The following INSL6 variants were observed in gnomAD, a reference collection of about 807,000 sequenced individuals.
INSL6 encodes insulin-like peptide INSL6.
A neutral mutation model predicts 9.4 loss-of-function variants in INSL6; 16 were observed. The observed-to-expected ratio is 1.70, with a 90% confidence interval of 1.15 to 2.59. The LOEUF (loss-of-function observed/expected upper bound fraction) is 2.59, where lower values mean the gene tolerates loss of function less well. Ranked by LOEUF, INSL6 falls within the 30% of genes most tolerant of loss-of-function variation. The pLI is 0.00. For synonymous variants in INSL6, 154 were observed against 96.9 expected (o/e 1.59, Z -3.46); for missense variants, 391 against 257.3 (o/e 1.52, Z -3.56).
At chr9:5,089,899 G>A in the INSL6 span, 24 of 1,373,792 alleles carry the variant, frequency 1.7e-5, no homozygotes, top group Non-Finnish European at 2.2e-5. Flanking sequence ...TAAATTCAAG[G>A]TATGTGTTTG....
At chr9:5,175,945 C>T (rs1269865861) in intron 1 of INSL6, among the ~76,000 whole-genome samples, 4 of 152,112 alleles carry the variant, frequency 2.6e-5, no homozygotes, top group Non-Finnish European at 4.4e-5. Flanking sequence ...AAACGTAATG[C>T]GCTTGGATCA....
chr9:5,038,325 G>A, the INSL6 span, among the ~76,000 whole-genome samples: 2 of 152,098 alleles, frequency 1.3e-5, no homozygotes, highest in Admixed American at 6.5e-5. Flanking sequence ...CCAGGCCCAA[G>A]TGGCTTCACT....
chr9:5,151,707 C>T (rs1824716542), intron 2 of INSL6, among the ~76,000 whole-genome samples: 1 of 151,892 alleles, frequency 6.6e-6, no homozygotes, highest in South Asian at 2.1e-4. Context: ...AAAAATTCAA[C>T]CCAATAGAAT....
At chr9:5,037,183 C>A in the INSL6 span, among the ~76,000 whole-genome samples, 14 of 152,134 alleles carry the variant, frequency 9.2e-5, no homozygotes, top group African/African-American at 2.9e-4. Flanking sequence ...GTTAGAATGG[C>A]GATCATTAAA....
intron 1 of INSL6, among the ~76,000 whole-genome samples, chr9:5,176,625 G>C (rs1825314214): frequency 6.6e-6 from 1 of 151,298 alleles, no homozygotes; most frequent in South Asian, 2.1e-4. Flanking sequence ...TTACCTTAAT[G>C]AAGATTATAT....
the INSL6 span, chr9:5,090,374 A>ATGAT: frequency 3.4e-5 from 38 of 1,108,964 alleles, no homozygotes; most frequent in Non-Finnish European, 4.4e-5. Context: ...TCATTTATGT[A>ATGAT]TGATAGTTTT....
At chr9:5,161,806 A>G (rs138846291), downstream of INSL6, among the ~76,000 whole-genome samples, 40 of 152,298 alleles carry the variant, frequency 2.6e-4, no homozygotes, top group African/African-American at 8.2e-4. Flanking sequence ...AACAATCTGA[A>G]AAAGAAATTA....
chr9:5,138,853 T>C (rs561858053), intron 2 of INSL6, among the ~76,000 whole-genome samples: 4 of 152,218 alleles, frequency 2.6e-5, no homozygotes, highest in South Asian at 4.1e-4. Context: ...CTTTTTTCAA[T>C]TGAAATACAT....
At chr9:5,160,665 G>C (rs989517908), downstream of INSL6, among the ~76,000 whole-genome samples, 2 of 152,042 alleles carry the variant, frequency 1.3e-5, no homozygotes, top group Admixed American at 6.5e-5. Context: ...TTGGTTTTTA[G>C]AAGTCAAACA....
In INSL6 at chr9:5,135,228, T is replaced by C. The variant is rs544862088; in HGVS notation, c.377-1636A>G. 2.0e-4 allele frequency among the ~76,000 whole-genome samples: 31 copies of C among 152,152 alleles called. No individual in the cohort carries two copies. In the South Asian group the frequency reaches 4.8e-3, roughly 23 times the overall value. On this transcript the variant is annotated intron_variant, in intron 2 of 3. Transcript: ENST00000649639. ...CAAAGAGACTTACACTCCCACATAA[T>C]AACAGTGGGAGACTTTAACACCCCA...
At chr9:5,165,541 C>T (rs1010879633) in intron 1 of INSL6, among the ~76,000 whole-genome samples, 1 of 152,112 alleles carries the variant, frequency 6.6e-6, no homozygotes, top group Non-Finnish European at 1.5e-5. Context: ...AGCATTTTTT[C>T]ATATGCTTAT....
chr9:4,995,422 C>G, the INSL6 span, among the ~76,000 whole-genome samples: 1 of 152,304 alleles, frequency 6.6e-6, no homozygotes, highest in Non-Finnish European at 1.5e-5. Context: ...CTTGTTCCAT[C>G]TGGAATTTAT....
chr9:5,184,781 G>A (rs1379320870), intron 1 of INSL6, among the ~76,000 whole-genome samples: 1 of 152,174 alleles, frequency 6.6e-6, no homozygotes, highest in Non-Finnish European at 1.5e-5. Flanking sequence ...ACGTGACCAG[G>A]GGATATGGAC....
At chr9:5,069,176 A>G in the INSL6 span, 1 of 1,610,240 alleles carries the variant, frequency 6.2e-7, no homozygotes, top group Non-Finnish European at 8.5e-7. Flanking sequence ...ATAATTTTCC[A>G]GTTTACTAAA....
chr9:5,031,877 G>C, the INSL6 span, among the ~76,000 whole-genome samples: 2 of 152,214 alleles, frequency 1.3e-5, no homozygotes, highest in Admixed American at 1.3e-4. Context: ...GAGGTGTACC[G>C]GGTTCGTCTC....
the INSL6 span, among the ~76,000 whole-genome samples, chr9:5,020,229 G>T: frequency 1.3e-5 from 2 of 152,178 alleles, no homozygotes; most frequent in Non-Finnish European, 2.9e-5. Flanking sequence ...GTGTGAGTGG[G>T]AACCAGCTGT....
the INSL6 span, among the ~76,000 whole-genome samples, chr9:5,013,581 CTGTGT>C: frequency 6.6e-6 from 1 of 152,200 alleles, no homozygotes. Context: ...CAGGAACATG[CTGTGT>C]ACATTCCTCT....
intron 2 of INSL6, among the ~76,000 whole-genome samples, chr9:5,148,616 C>T (rs562634295): frequency 2.4e-4 from 37 of 152,302 alleles, no homozygotes; most frequent in African/African-American, 8.7e-4. Context: ...CCCATACCAG[C>T]CTGCAAGCCT....
chr9:5,089,676 T>A, the INSL6 span: 34 of 1,357,666 alleles, frequency 2.5e-5, no homozygotes, highest in African/African-American at 4.9e-4. Context: ...TCATTTAGGG[T>A]AATTTTGGGA....
Sources: allele counts gnomAD v4.1 joint callset (sites outside exome capture counted in the v4.1 genomes callset), GRCh38; gene constraint gnomAD v4.1.1; transcripts MANE v1.5; gene names NCBI Gene and HGNC (gene_info 2026-07-23, HGNC 2026-07-21).